Variants in MAML3 observed in about 807,000 individuals in gnomAD.
MAML3 encodes the protein mastermind like transcriptional coactivator 3.
MAML3 carries 27 observed loss-of-function variants against 101.9 expected under a neutral mutation model. That is an observed-to-expected ratio of 0.27 (90% CI 0.20 to 0.37). The LOEUF (loss-of-function observed/expected upper bound fraction) is 0.37. Among genes scored for constraint, MAML3 ranks in the 10% least tolerant of loss-of-function variants. MAML3 has a pLI of 1.00. For missense variants in MAML3, 1,316 were observed against 1,444.9 expected (o/e 0.91, Z 1.45); for synonymous variants, 501 against 555.9 (o/e 0.90, Z 1.39).
At chr4:139,775,211 TC>T (rs1396290384) in intron 2 of MAML3, among the ~76,000 whole-genome samples, 1 of 152,032 alleles carries the variant, frequency 6.6e-6, no homozygotes, top group Non-Finnish European at 1.5e-5. Context: ...GGAAATATTT[TC>T]TCCTCCTTGA....
At chr4:139,828,118 T>A (rs1168746490) in intron 2 of MAML3, among the ~76,000 whole-genome samples, 1 of 152,236 alleles carries the variant, frequency 6.6e-6, no homozygotes, top group African/African-American at 2.4e-5. Context: ...TCTATGTAGG[T>A]TCCTACATAC....
intron 1 of MAML3, among the ~76,000 whole-genome samples, chr4:139,942,207 C>A (rs946124991): frequency 2.0e-5 from 3 of 149,910 alleles, no homozygotes; most frequent in Admixed American, 2.0e-4. Context: ...GGCAGGCAGG[C>A]AGGAAGGAAG....
At position 139,890,321 on chromosome 4, in the gene MAML3, C is replaced by T. The variant is rs770385052; in HGVS notation, c.1115G>A (p.Gly372Glu). The T allele has an allele frequency of 6.2e-7, 1 of 1,612,052 alleles. No individual in the cohort carries two copies. The highest frequency in any genetic ancestry group is 1.1e-5 in the South Asian group (1 of 90,866). ...AGAAGAAGGCCTCGCCTGGGGAGAT[C>T]CCATGGAGACATGTGCGAAGGGAGA... ...SHSPFAHVSMGSPQARPSSSG... is the reference protein window; with the variant it reads ...SHSPFAHVSMESPQARPSSSG... The change falls in exon 2 of 5, where the codon GGA becomes GAA. Residue 372 changes from glycine (G) to glutamate (E), a missense_variant. Physicochemically the swap from Gly to Glu is moderately conservative, Grantham distance 98. Transcript: ENST00000509479. The surrounding 1 kb of genome is among the most constrained non-coding windows in gnomAD (Gnocchi z 4.1).
intron 2 of MAML3, among the ~76,000 whole-genome samples, chr4:139,852,417 T>TGTTG (rs1449638037): frequency 1.1e-4 from 15 of 132,350 alleles, no homozygotes; most frequent in African/African-American, 4.3e-4. Context: ...TTTTTTTTTT[T>TGTTG]TTTTTTTTTT....
chr4:140,083,682 C>T (rs1727899599), intron 1 of MAML3, among the ~76,000 whole-genome samples: 1 of 152,116 alleles, frequency 6.6e-6, no homozygotes, highest in East Asian at 1.9e-4. Flanking sequence ...CTCAGTCTAA[C>T]CAGAAGGTTC....
chr4:139,731,987 T>A (rs192537841), intron 2 of MAML3, among the ~76,000 whole-genome samples: 1 of 152,200 alleles, frequency 6.6e-6, no homozygotes, highest in Admixed American at 6.5e-5. Context: ...AAATTCCTTC[T>A]ACCTCACTGA....
intron 1 of MAML3, among the ~76,000 whole-genome samples, chr4:139,988,224 G>T (rs952778330): frequency 8.0e-5 from 12 of 150,780 alleles, no homozygotes; most frequent in African/African-American, 2.9e-4. Flanking sequence ...CTACTCGGGA[G>T]GCTGAGGCAG....
rs566412368 is a variant in MAML3 at position 139,718,525 on chromosome 4, T to C, written c.*798A>G. 6.6e-6 allele frequency: 1 copy of C among 152,400 alleles called. No homozygotes were observed. The highest frequency in any genetic ancestry group is 2.1e-4 in the South Asian group (1 of 4,820). 9.4% of individuals were successfully genotyped at this position (152,400 alleles called of 1,614,324 possible). On this transcript the variant is annotated 3_prime_UTR_variant, in exon 5 of 5. Transcript: ENST00000509479. Reference sequence around the variant, plus strand: ...AGTAGATGTGACCCACCTGGATGTATGGGTTTTGTATTGGGCGCCAGCAGG... The same window carrying C: ...AGTAGATGTGACCCACCTGGATGTACGGGTTTTGTATTGGGCGCCAGCAGG...
At chr4:139,783,956 A>G (rs565866557) in intron 2 of MAML3, among the ~76,000 whole-genome samples, 7 of 152,376 alleles carry the variant, frequency 4.6e-5, no homozygotes, top group Non-Finnish European at 8.8e-5. Flanking sequence ...ACTAACCAGC[A>G]TGTCAGAGAG....
At chr4:140,032,637 G>A (rs1241694817) in intron 1 of MAML3, among the ~76,000 whole-genome samples, 1 of 151,998 alleles carries the variant, frequency 6.6e-6, no homozygotes, top group Non-Finnish European at 1.5e-5. Context: ...TGATACAAAT[G>A]GGTAAATTAG....
intron 2 of MAML3, among the ~76,000 whole-genome samples, chr4:139,741,058 G>C (rs1729149273): frequency 6.6e-6 from 1 of 152,190 alleles, no homozygotes; most frequent in Non-Finnish European, 1.5e-5. Flanking sequence ...TCTGAGAGGA[G>C]GGCTACCCTT....
At chr4:139,843,089 T>C (rs1731390941) in intron 2 of MAML3, among the ~76,000 whole-genome samples, 1 of 152,084 alleles carries the variant, frequency 6.6e-6, no homozygotes, top group Non-Finnish European at 1.5e-5. Context: ...CCAAGGCCAG[T>C]TCCTTTTGTT....
At chr4:140,110,094 T>C (rs543434620) in intron 1 of MAML3, among the ~76,000 whole-genome samples, 3 of 152,306 alleles carry the variant, frequency 2.0e-5, no homozygotes, top group East Asian at 1.9e-4. Context: ...AACTGTCCCT[T>C]TGCAGCCAAC....
Position 139,890,995 on chromosome 4 carries a change from C to G in MAML3, c.469-28G>C. ...GGAAAAGAAACAGGAAAGAGGATGA[C>G]TAAACCTCCAAGTCATATTTTACTC... On this transcript the variant is annotated intron_variant, in intron 1 of 4. Coordinates refer to ENST00000509479, the MANE Select transcript of MAML3 (RefSeq NM_018717.5). This position sits in a 1 kb window ranked among gnomAD's most constrained non-coding sequence, Gnocchi z 4.1. 1 of 1,594,978 alleles carries G rather than the reference C, an allele frequency of 6.3e-7. No homozygotes were observed. Among genetic ancestry groups the G allele is most frequent in the East Asian group, 2.2e-5 (1 of 44,636 alleles).
chr4:139,788,958 T>A (rs1730356050), intron 2 of MAML3, among the ~76,000 whole-genome samples: 1 of 152,188 alleles, frequency 6.6e-6, no homozygotes, highest in South Asian at 2.1e-4. Context: ...ACCACTGTTG[T>A]GGGGAAGAAG....
intron 2 of MAML3, among the ~76,000 whole-genome samples, chr4:139,810,806 T>G (rs1158326): frequency 0.3 from 45,513 of 152,126 alleles, 8,427 homozygotes; most frequent in Admixed American, 0.4. Flanking sequence ...TAATATTCCT[T>G]CTCTTCAGTA....
intron 1 of MAML3, among the ~76,000 whole-genome samples, chr4:140,049,935 C>G (rs888914483): frequency 2.6e-5 from 4 of 151,750 alleles, no homozygotes; most frequent in Admixed American, 2.6e-4. Flanking sequence ...TCTTAAAATC[C>G]ATTTTAGCAT....
chr4:139,920,541 G>A (rs1396959795), intron 1 of MAML3, among the ~76,000 whole-genome samples: 2 of 152,230 alleles, frequency 1.3e-5, no homozygotes, highest in African/African-American at 4.8e-5. Flanking sequence ...ACTTTACTAT[G>A]AATTACATTA....
At chr4:139,920,934 C>T (rs1733120209) in intron 1 of MAML3, among the ~76,000 whole-genome samples, 1 of 152,194 alleles carries the variant, frequency 6.6e-6, no homozygotes, top group Non-Finnish European at 1.5e-5. Flanking sequence ...TGCACACCAC[C>T]TTCTCTCTGC....
Sources: allele counts gnomAD v4.1 joint callset (sites outside exome capture counted in the v4.1 genomes callset), GRCh38; gene constraint gnomAD v4.1.1; non-coding constraint Gnocchi (gnomAD v3.1); transcripts MANE v1.5; gene names NCBI Gene and HGNC (gene_info 2026-07-23, HGNC 2026-07-21).